DSCAM: variants seen among roughly 807,000 people sequenced by gnomAD.
DSCAM encodes DS cell adhesion molecule.
A neutral mutation model predicts 217.7 loss-of-function variants in DSCAM; 47 were observed. The ratio of observed to expected loss-of-function variants is 0.22; its 90% CI spans 0.17 to 0.28. The LOEUF is 0.28. DSCAM is among the 10% of genes least tolerant of loss of function. The pLI is 1.00. For missense variants in DSCAM, 2,080 were observed against 2,618.3 expected (o/e 0.79, Z 4.49); for synonymous variants, 1,056 against 1,015.3 (o/e 1.04, Z -0.76).
intron 3 of DSCAM, among the ~76,000 whole-genome samples, chr21:40,559,992 A>G (rs1323299097): frequency 6.6e-6 from 1 of 151,746 alleles, no homozygotes; most frequent in Non-Finnish European, 1.5e-5. Context: ...ACGGGGTTTC[A>G]CCGTGTTAGC....
intron 1 of DSCAM, among the ~76,000 whole-genome samples, chr21:40,782,454 G>A (rs1310228384): frequency 1.3e-5 from 2 of 152,216 alleles, no homozygotes; most frequent in African/African-American, 4.8e-5. Flanking sequence ...CTGGTTGGGC[G>A]CAGTGGCTCA....
intron 2 of DSCAM, among the ~76,000 whole-genome samples, chr21:40,699,089 G>C (rs1388728189): frequency 6.6e-6 from 1 of 152,058 alleles, no homozygotes; most frequent in Non-Finnish European, 1.5e-5. Flanking sequence ...AACTCACTTT[G>C]TGTCTCTGTG....
At chr21:40,825,908 A>G (rs1412072406) in intron 1 of DSCAM, among the ~76,000 whole-genome samples, 1 of 152,258 alleles carries the variant, frequency 6.6e-6, no homozygotes, top group Non-Finnish European at 1.5e-5. Flanking sequence ...CTGAAGAGAC[A>G]GCAATGACAT....
chr21:40,733,088 CA>C (rs774141892), intron 1 of DSCAM, among the ~76,000 whole-genome samples: 180 of 152,326 alleles, frequency 1.2e-3, no homozygotes, highest in African/African-American at 3.9e-3. Flanking sequence ...CCAGGTATGG[CA>C]AACTGTGCCA....
At chr21:40,826,261 G>A (rs548087814) in intron 1 of DSCAM, among the ~76,000 whole-genome samples, 1 of 152,322 alleles carries the variant, frequency 6.6e-6, no homozygotes, top group East Asian at 1.9e-4. Flanking sequence ...GAAAAGGCCA[G>A]GGTAGAGCAT....
At chr21:40,621,041 C>A (rs951549044) in intron 3 of DSCAM, among the ~76,000 whole-genome samples, 1 of 151,958 alleles carries the variant, frequency 6.6e-6, no homozygotes, top group African/African-American at 2.4e-5. Context: ...AATATAGAGA[C>A]AGAAATCACA....
At chr21:40,386,974 AT>A (rs575686824) in intron 3 of DSCAM, among the ~76,000 whole-genome samples, 5 of 149,982 alleles carry the variant, frequency 3.3e-5, no homozygotes, top group African/African-American at 7.3e-5. Flanking sequence ...TTATTTTTCC[AT>A]TTTTTTTTCA....
rs556620095 is a variant in DSCAM at position 40,708,396 on chromosome 21, T to A, written c.361+58A>T. The A allele has an allele frequency of 1.2e-5, 16 of 1,348,962 alleles. No individual in the cohort carries two copies. In the African/African-American group the frequency reaches 1.9e-4, roughly 16 times the overall value. The allele number at this position is 1,348,962 out of a possible 1,614,324, so 83.6% of individuals were successfully genotyped here. A position where few individuals can be genotyped will look rare whatever the true frequency, so the allele number is the denominator to read the frequency against. Reference sequence around the variant, plus strand: ...GATGGCATTTTGCTATGTGTCATTGTCATTATCCTCCCATCCCAAGCAGGC... The same window carrying A: ...GATGGCATTTTGCTATGTGTCATTGACATTATCCTCCCATCCCAAGCAGGC... On this transcript the variant is annotated intron_variant, in intron 2 of 32. Transcript: ENST00000400454.
intron 9 of DSCAM, among the ~76,000 whole-genome samples, chr21:40,303,033 C>T (rs112283533): frequency 8.5e-5 from 13 of 152,196 alleles, no homozygotes; most frequent in African/African-American, 3.1e-4. Context: ...TAGCTGTAAA[C>T]CTGGGCAGAA....
intron 3 of DSCAM, among the ~76,000 whole-genome samples, chr21:40,558,907 T>G (rs2076693997): frequency 6.6e-6 from 1 of 152,184 alleles, no homozygotes; most frequent in Non-Finnish European, 1.5e-5. Flanking sequence ...AGCCCACAAG[T>G]AGATCTGATA....
chr21:40,296,597 C>T (rs1265788290), intron 9 of DSCAM, among the ~76,000 whole-genome samples: 1 of 151,896 alleles, frequency 6.6e-6, no homozygotes, highest in African/African-American at 2.4e-5. Flanking sequence ...TTTGGGAGTC[C>T]GAGGCAAGCA....
At chr21:40,072,569 C>T (rs540089353) in intron 27 of DSCAM, among the ~76,000 whole-genome samples, 133 of 152,048 alleles carry the variant, frequency 8.7e-4, no homozygotes, top group African/African-American at 3.0e-3. Flanking sequence ...AGGATGGTCT[C>T]GATCTCCTGA....
At position 40,011,099 on chromosome 21, in the gene DSCAM, TAG is replaced by T. The variant is rs1233393816; in HGVS notation, c.*1933_*1934del. On this transcript the variant is annotated 3_prime_UTR_variant, in exon 33 of 33. Coordinates refer to ENST00000400454, the MANE Select transcript of DSCAM (RefSeq NM_001389.5). ...ATAGAAGTTTTAGGTTGATGAAAGA[TAG>T]ACTTTTAATTTTTTCCCCCAGAAAG... is the stretch of plus-strand genomic sequence containing the variant. 1 of 152,138 alleles carries T rather than the reference TAG, an allele frequency of 6.6e-6. No homozygotes were observed. Among genetic ancestry groups the T allele is most frequent in the Non-Finnish European group, 1.5e-5 (1 of 68,032 alleles). The allele number at this position is 152,138 out of a possible 1,614,324, so 9.4% of individuals were successfully genotyped here.
At chr21:40,367,066 T>C (rs2074840786) in intron 4 of DSCAM, among the ~76,000 whole-genome samples, 1 of 152,188 alleles carries the variant, frequency 6.6e-6, no homozygotes, top group Non-Finnish European at 1.5e-5. Context: ...TGCTGAGTAC[T>C]TCCACTATCT....
At chr21:40,442,742 C>G (rs1032083617) in intron 3 of DSCAM, among the ~76,000 whole-genome samples, 1 of 152,034 alleles carries the variant, frequency 6.6e-6, no homozygotes, top group African/African-American at 2.4e-5. Context: ...GAACTCCTGA[C>G]CTCATGATCT....
intron 3 of DSCAM, among the ~76,000 whole-genome samples, chr21:40,687,644 T>C (rs2090494956): frequency 6.6e-6 from 1 of 152,204 alleles, no homozygotes; most frequent in African/African-American, 2.4e-5. Flanking sequence ...TCTAATTTGG[T>C]TGGCTGTACC....
chr21:40,116,117 CAT>C (rs1454567566), intron 20 of DSCAM, among the ~76,000 whole-genome samples: 1 of 152,018 alleles, frequency 6.6e-6, no homozygotes, highest in Non-Finnish European at 1.5e-5. Flanking sequence ...CATACACACA[CAT>C]AGAGGGGAAC....
intron 3 of DSCAM, among the ~76,000 whole-genome samples, chr21:40,433,918 T>C (rs895387578): frequency 6.6e-6 from 1 of 152,206 alleles, no homozygotes; most frequent in African/African-American, 2.4e-5. Flanking sequence ...AAGTGGACGA[T>C]GTCATCTGAA....
In DSCAM at chr21:40,537,198, C is replaced by A. The variant is rs138813006; in HGVS notation, c.508+155612G>T. 5.3e-5 allele frequency among the ~76,000 whole-genome samples: 8 copies of A among 152,292 alleles called. No homozygotes were observed. The East Asian group carries it at 1.5e-3, about 29-fold the overall frequency. On this transcript the variant is annotated intron_variant, in intron 3 of 32. Coordinates refer to ENST00000400454, the MANE Select transcript of DSCAM (RefSeq NM_001389.5). ...ATTGTTTAACAACTTATCAAACCCT[C>A]TTTTCACTGAACAAAGTTCCTGGAG...
Sources: allele counts gnomAD v4.1 joint callset (sites outside exome capture counted in the v4.1 genomes callset), GRCh38; gene constraint gnomAD v4.1.1; transcripts MANE v1.5; gene names NCBI Gene and HGNC (gene_info 2026-07-23, HGNC 2026-07-21).